Variants in TCERG1 observed in about 807,000 individuals in gnomAD.
TCERG1 encodes the protein transcription elongation regulator 1.
Under a neutral mutation model 144.7 loss-of-function variants are expected in TCERG1, and 37 were observed. That is an observed-to-expected ratio of 0.26 (90% CI 0.20 to 0.34). The LOEUF (loss-of-function observed/expected upper bound fraction) is 0.34. TCERG1 is among the 10% of genes least tolerant of loss of function. TCERG1 has a pLI of 1.00. For missense variants in TCERG1, 1,027 were observed against 1,380.7 expected, an observed-to-expected ratio of 0.74 and a Z score of 4.06; for synonymous variants, 492 against 458.2, an observed-to-expected ratio of 1.07 and a Z score of -0.94.
In TCERG1 at chr5:146,478,484, A is replaced by C. The variant is rs755790152; in HGVS notation, c.1602-9A>C. 2 of 1,562,950 alleles carry C rather than the reference A, an allele frequency of 1.3e-6. No homozygotes were observed. Among genetic ancestry groups the C allele is most frequent in the Non-Finnish European group, 8.6e-7 (1 of 1,161,202 alleles). ...ACATAAGAGAATGATATTTTGCATC[A>C]ATTCTTAGGTGTGTCGTTTGGACTG... On this transcript the variant is annotated splice_polypyrimidine_tract_variant and intron_variant, in intron 9 of 22. Transcript: ENST00000679501.
At position 146,479,852 on chromosome 5, in the gene TCERG1, CAGGG is replaced by C; in HGVS notation, c.1763-2_1764del. ...GTAACAATATTTGAAATGTTTTTGC[CAGGG>C]CACCCAACTCCGACAATGCTGTCGA... On this transcript the variant is annotated splice_acceptor_variant and coding_sequence_variant, in exon 11 of 23. Transcript: ENST00000679501. LOFTEE classifies it high-confidence loss of function. 6.2e-7 allele frequency: 1 copy of C among 1,613,012 alleles called. No individual in the cohort carries two copies. Among genetic ancestry groups the C allele is most frequent in the Non-Finnish European group, 8.5e-7 (1 of 1,179,482 alleles).
rs375904495 is a variant in TCERG1 at position 146,510,597 on chromosome 5, C to T, written c.3303C>T (p.Pro1101=). 3 of 1,614,020 alleles carry T rather than the reference C, an allele frequency of 1.9e-6. No homozygotes were observed. Among genetic ancestry groups the T allele is most frequent in the Non-Finnish European group, 1.7e-6 (2 of 1,180,034 alleles). The change falls in exon 23 of 23, where the codon CCC becomes CCT. Residue 1101 remains proline, a synonymous_variant. Coordinates refer to ENST00000679501, the MANE Select transcript of TCERG1 (RefSeq NM_001382548.1). ...ATGACCTGGATCGCCGGGGTCCACC[C>T]CCACCTCCCACAGCATCGGAGCCCA... The part of the protein sequence containing the change: ...YVDDLDRRGP[P]PPPTASEPTR...
At chr5:146,468,117 G>A (rs986902344) in intron 5 of TCERG1, among the ~76,000 whole-genome samples, 1 of 152,150 alleles carries the variant, frequency 6.6e-6, no homozygotes, top group Non-Finnish European at 1.5e-5. Context: ...GTTCAGAGCT[G>A]GTTTGATAAA....
At chr5:146,469,513 T>G (rs769906417) in intron 6 of TCERG1, 31 bp from the exon 7 acceptor site, 8 of 1,542,344 alleles carry the variant, frequency 5.2e-6, no homozygotes, top group South Asian at 1.3e-5. Context: ...GTTTGATACT[T>G]GGATCTAATT....
intron 16 of TCERG1, among the ~76,000 whole-genome samples, chr5:146,497,560 T>C (rs946021364): frequency 6.6e-6 from 1 of 152,216 alleles, no homozygotes; most frequent in African/African-American, 2.4e-5. Flanking sequence ...TTTGTATATT[T>C]AGTGATTTTT....
chr5:146,470,237 A>G (rs542656625), intron 7 of TCERG1, among the ~76,000 whole-genome samples: 1 of 152,176 alleles, frequency 6.6e-6, no homozygotes, highest in Non-Finnish European at 1.5e-5. Context: ...TCCTGGGCTT[A>G]AGCAATCCTT....
At chr5:146,462,691 C>T (rs1255550820) in intron 4 of TCERG1, among the ~76,000 whole-genome samples, 2 of 151,944 alleles carry the variant, frequency 1.3e-5, no homozygotes, top group African/African-American at 4.8e-5. Context: ...TCATTCATAT[C>T]CAGTTAGTCA....
chr5:146,479,126 A>G (rs1241817608), intron 10 of TCERG1, among the ~76,000 whole-genome samples: 1 of 152,272 alleles, frequency 6.6e-6, no homozygotes, highest in East Asian at 1.9e-4. Context: ...ATTATCTTTT[A>G]ATCTATCTCA....
chr5:146,453,030 A>G (rs994129041), intron 1 of TCERG1, among the ~76,000 whole-genome samples: 2 of 152,184 alleles, frequency 1.3e-5, no homozygotes, highest in African/African-American at 4.8e-5. Context: ...TAATTTTTGA[A>G]AAGAGCTTAG....
At chr5:146,497,943 G>C (rs1317097149) in intron 16 of TCERG1, among the ~76,000 whole-genome samples, 5 of 152,148 alleles carry the variant, frequency 3.3e-5, no homozygotes, top group Non-Finnish European at 7.3e-5. Context: ...CGCTAAGTCA[G>C]ATTTTTCTTG....
rs779703246 is a variant in TCERG1, at chr5:146,482,576, A to G, written c.1938-16A>G. ...AATATTTTGTCAGTTGATGTCTTAT[A>G]TTTTATTTTTTATAGGAGAGACGAT... On this transcript the variant is annotated splice_polypyrimidine_tract_variant and intron_variant, in intron 13 of 22. Coordinates refer to ENST00000679501, the MANE Select transcript of TCERG1 (RefSeq NM_001382548.1). 5.0e-6 allele frequency: 8 copies of G among 1,589,070 alleles called. No homozygotes were observed. Among genetic ancestry groups the G allele is most frequent in the Admixed American group, 1.8e-5 (1 of 55,180 alleles).
chr5:146,479,818 A>T (rs554686652), intron 10 of TCERG1, 37 bp from the exon 11 acceptor site: 3 of 1,610,592 alleles, frequency 1.9e-6, no homozygotes, highest in Non-Finnish European at 2.5e-6. Context: ...AATATATGCA[A>T]ATGACTTTGT....
At chr5:146,477,009 G>A (rs1033654499) in intron 9 of TCERG1, among the ~76,000 whole-genome samples, 2 of 152,080 alleles carry the variant, frequency 1.3e-5, no homozygotes, top group African/African-American at 4.8e-5. Context: ...AGTGATCCTC[G>A]CACCTCAGCA....
chr5:146,469,856 C>T (rs2150381796), intron 7 of TCERG1, 112 bp downstream of exon 7: 2 of 754,634 alleles, frequency 2.7e-6, no homozygotes, highest in East Asian at 6.0e-5. Flanking sequence ...TTTCTAATTA[C>T]ACAGTCATTG....
At chr5:146,508,255 T>A (rs1030394743) in intron 21 of TCERG1, among the ~76,000 whole-genome samples, 17 of 152,218 alleles carry the variant, frequency 1.1e-4, no homozygotes, top group African/African-American at 3.9e-4. Flanking sequence ...CAGACATATT[T>A]AGGCTGGCAA....
intron 10 of TCERG1, 85 bp downstream of exon 10, chr5:146,478,738 C>G (rs1765072511): frequency 2.2e-6 from 3 of 1,341,968 alleles, no homozygotes; most frequent in Admixed American, 3.1e-5. Context: ...TTTAGAAACC[C>G]TTTATTTTTC....
rs768307492 is a variant in TCERG1, at chr5:146,493,086, T to TA, written c.2282+50dup. 3.4e-5 allele frequency: 44 copies of TA among 1,284,404 alleles called. No homozygotes were observed. In the Middle Eastern group the frequency reaches 6.4e-4, roughly 19 times the overall value. The allele number at this position is 1,284,404 out of a possible 1,614,324, so 79.6% of individuals were successfully genotyped here. On this transcript the variant is annotated intron_variant, in intron 16 of 22. Transcript: ENST00000679501. Reference sequence around the variant, plus strand: ...ATATCAAAGTGTATTTATTTTCTCCTAAGATCAGTTTTTAAAAATTAAAAA... The same window carrying TA: ...ATATCAAAGTGTATTTATTTTCTCCTAAAGATCAGTTTTTAAAAATTAAAAA...
chr5:146,453,365 C>G (rs928316121), intron 1 of TCERG1, among the ~76,000 whole-genome samples: 21 of 152,080 alleles, frequency 1.4e-4, no homozygotes, highest in African/African-American at 4.3e-4. Context: ...AATATTTTAC[C>G]TCTTCTGCTT....
chr5:146,504,090 T>C, intron 19 of TCERG1, 84 bp downstream of exon 19: 1 of 1,236,832 alleles, frequency 8.1e-7, no homozygotes, highest in Non-Finnish European at 1.0e-6. Context: ...ATTTTAATGT[T>C]CTTTAATTCT....
Sources: allele counts gnomAD v4.1 joint callset (sites outside exome capture counted in the v4.1 genomes callset), GRCh38; gene constraint gnomAD v4.1.1; transcripts MANE v1.5; gene names NCBI Gene and HGNC (gene_info 2026-07-23, HGNC 2026-07-21).